SHB: variants seen among roughly 807,000 people sequenced by gnomAD.
SHB encodes the protein SH2 domain containing adaptor protein B.
A neutral mutation model predicts 52.3 loss-of-function variants in SHB; 20 were observed. The ratio of observed to expected loss-of-function variants is 0.38; its 90% CI spans 0.27 to 0.56. SHB has a LOEUF of 0.56. Ranked by LOEUF, SHB falls within the 20% of genes least tolerant of loss-of-function variation. SHB has a pLI of 0.71. For synonymous variants in SHB, 397 were observed against 316.5 expected (o/e 1.25, Z -2.70); for missense variants, 825 against 723.3 (o/e 1.14, Z -1.61).
At chr9:37,935,588 G>T (rs1832360054) in intron 5 of SHB, among the ~76,000 whole-genome samples, 1 of 152,138 alleles carries the variant, frequency 6.6e-6, no homozygotes, top group African/African-American at 2.4e-5. Flanking sequence ...GCTTCAGAGT[G>T]TACAAAATCG....
At chr9:38,048,729 T>G (rs1296265475) in intron 1 of SHB, among the ~76,000 whole-genome samples, 1 of 152,246 alleles carries the variant, frequency 6.6e-6, no homozygotes, top group East Asian at 1.9e-4. Context: ...GTTACTCAAC[T>G]CAGCTTTTGT....
intron 1 of SHB, among the ~76,000 whole-genome samples, chr9:38,024,590 G>A (rs1821319358): frequency 1.3e-5 from 2 of 152,190 alleles, no homozygotes; most frequent in African/African-American, 2.4e-5. Flanking sequence ...CCCTCAGAGT[G>A]AGCTGTGGGT....
At chr9:37,951,675 G>A (rs1220732765) in intron 4 of SHB, among the ~76,000 whole-genome samples, 1 of 152,236 alleles carries the variant, frequency 6.6e-6, no homozygotes, top group African/African-American at 2.4e-5. Flanking sequence ...TCTGAGATGG[G>A]GGCATGGCCT....
intron 3 of SHB, among the ~76,000 whole-genome samples, chr9:37,968,865 TC>T (rs554909773): frequency 7.2e-5 from 11 of 152,298 alleles, no homozygotes; most frequent in South Asian, 2.1e-4. Flanking sequence ...AGCCTTAGTT[TC>T]CCCAGAAGGA....
At chr9:37,949,501 G>C (rs1587206934) in intron 4 of SHB, among the ~76,000 whole-genome samples, 1 of 152,274 alleles carries the variant, frequency 6.6e-6, no homozygotes, top group East Asian at 1.9e-4. Flanking sequence ...AGGGAAGCCA[G>C]AGAGGAGCTT....
chr9:38,038,390 C>A (rs528980902), intron 1 of SHB, among the ~76,000 whole-genome samples: 58 of 152,140 alleles, frequency 3.8e-4, no homozygotes, highest in Non-Finnish European at 6.6e-4. Flanking sequence ...GTCACTTCCC[C>A]TTCCCTAACA....
intron 5 of SHB, among the ~76,000 whole-genome samples, chr9:37,940,700 T>G (rs1010973471): frequency 1.3e-4 from 20 of 152,202 alleles, no homozygotes; most frequent in African/African-American, 4.6e-4. Context: ...TTTCTGGGCC[T>G]CAGTATCTCC....
intron 2 of SHB, among the ~76,000 whole-genome samples, chr9:37,980,343 G>A (rs1262621002): frequency 6.6e-6 from 1 of 152,164 alleles, no homozygotes; most frequent in African/African-American, 2.4e-5. Flanking sequence ...TCTTCATCAG[G>A]AATAGATTCT....
At chr9:37,926,981 G>T (rs1471844214) in intron 5 of SHB, among the ~76,000 whole-genome samples, 2 of 152,236 alleles carry the variant, frequency 1.3e-5, no homozygotes, top group East Asian at 3.8e-4. Flanking sequence ...TCCATGACTG[G>T]ACTAACCTGT....
intron 3 of SHB, among the ~76,000 whole-genome samples, chr9:37,959,115 G>A (rs543365168): frequency 6.6e-6 from 1 of 152,296 alleles, no homozygotes; most frequent in East Asian, 1.9e-4. Context: ...AAGACGGGAA[G>A]ACCAGTCAGG....
At chr9:38,035,070 G>A (rs576174940) in intron 1 of SHB, among the ~76,000 whole-genome samples, 50 of 152,234 alleles carry the variant, frequency 3.3e-4, no homozygotes, top group African/African-American at 1.2e-3. Flanking sequence ...CGTCTCATGG[G>A]CATAATTGAA....
At chr9:37,940,928 A>T (rs1832427789) in intron 5 of SHB, among the ~76,000 whole-genome samples, 1 of 152,206 alleles carries the variant, frequency 6.6e-6, no homozygotes, top group Non-Finnish European at 1.5e-5. Flanking sequence ...TTGAGTGGTC[A>T]TCATCTCCAG....
At chr9:37,938,992 G>A (rs535363344) in intron 5 of SHB, among the ~76,000 whole-genome samples, 4 of 152,272 alleles carry the variant, frequency 2.6e-5, no homozygotes, top group African/African-American at 4.8e-5. Context: ...CAGCTGCTCC[G>A]AAATCTGGAT....
intron 2 of SHB, among the ~76,000 whole-genome samples, chr9:37,987,375 G>A (rs768185839): frequency 2.0e-5 from 3 of 152,232 alleles, no homozygotes; most frequent in Non-Finnish European, 4.4e-5. Context: ...CAGGGCAAGC[G>A]AGGAAGGGAT....
At chr9:37,984,834 C>G (rs1274125452) in intron 2 of SHB, among the ~76,000 whole-genome samples, 1 of 152,156 alleles carries the variant, frequency 6.6e-6, no homozygotes, top group African/African-American at 2.4e-5. Flanking sequence ...CTCCCCCTAA[C>G]CAGGGTGCTT....
At chr9:38,058,320 G>C (rs189307585) in intron 1 of SHB, among the ~76,000 whole-genome samples, 27 of 152,206 alleles carry the variant, frequency 1.8e-4, no homozygotes, top group Non-Finnish European at 3.5e-4. Flanking sequence ...AGAGGGCAGA[G>C]AGTGTCCCAC....
chr9:37,975,638 G>C (rs796552937), intron 2 of SHB, among the ~76,000 whole-genome samples: 3 of 152,282 alleles, frequency 2.0e-5, no homozygotes, highest in African/African-American at 4.8e-5. Flanking sequence ...ATGGATGCTA[G>C]GATGCTAAAA....
intron 2 of SHB, among the ~76,000 whole-genome samples, chr9:38,001,318 C>A (rs117986024): frequency 6.6e-6 from 1 of 152,224 alleles, no homozygotes; most frequent in African/African-American, 2.4e-5. Context: ...GGAGACGGAA[C>A]CACCCTTGTC....
intron 5 of SHB, among the ~76,000 whole-genome samples, chr9:37,940,101 C>T (rs1308326427): frequency 6.6e-6 from 1 of 152,194 alleles, no homozygotes; most frequent in Non-Finnish European, 1.5e-5. Context: ...TTGTCAGAGG[C>T]AGAGCTAGGA....
Sources: gnomAD v4.1 joint callset for allele counts (sites outside exome capture counted in the v4.1 genomes callset) on GRCh38, gnomAD v4.1.1 for gene constraint, MANE v1.5 for transcripts, NCBI Gene and HGNC (gene_info 2026-07-23, HGNC 2026-07-21) for gene names.